Variants in SYNE2 observed in about 807,000 individuals in gnomAD.
SYNE2 encodes the protein spectrin repeat containing nuclear envelope protein 2, also known as nesprin-2.
Under a neutral mutation model 856.3 loss-of-function variants are expected in SYNE2, and 431 were observed. That is an observed-to-expected ratio of 0.50 (90% CI 0.47 to 0.55). SYNE2 has a LOEUF of 0.55. Ranked by LOEUF, SYNE2 falls within the 20% of genes least tolerant of loss-of-function variation. SYNE2 has a pLI of 0.00. For missense variants in SYNE2, 8,129 were observed against 8,023.2 expected, an observed-to-expected ratio of 1.01 and a Z score of -0.50; for synonymous variants, 2,923 against 2,872.3, an observed-to-expected ratio of 1.02 and a Z score of -0.56.
Position 64,002,825 on chromosome 14 carries a change from C to A in SYNE2, c.3892C>A (p.Gln1298Lys). Residue 1298 changes from glutamine to lysine, a missense_variant, in exon 30 of 116, where the codon CAG (glutamine) becomes AAG (lysine). By Grantham distance (53) the Gln-to-Lys change is moderately conservative. Transcript: ENST00000555002. Reference protein sequence around the residue: ...ELHPFDLHAMQNIILKYKTQF... With the variant: ...ELHPFDLHAMKNIILKYKTQF... Reference sequence around the variant, plus strand: ...ACACCCATTTGATCTACACGCAATGCAGAATATTATACTGAAATACAAAAC... The same window carrying A: ...ACACCCATTTGATCTACACGCAATGAAGAATATTATACTGAAATACAAAAC... 1 of 1,614,072 alleles carries A rather than the reference C, an allele frequency of 6.2e-7. No homozygotes were observed. The highest frequency in any genetic ancestry group is 1.1e-5 in the South Asian group (1 of 91,080).
intron 1 of SYNE2, among the ~76,000 whole-genome samples, chr14:63,832,692 C>A (rs1889712818): frequency 6.6e-6 from 1 of 151,842 alleles, no homozygotes; most frequent in Non-Finnish European, 1.5e-5. Context: ...CAGAGTTTAA[C>A]AATTTACTTA....
At chr14:64,154,792 C>CAA (rs34020154) in intron 85 of SYNE2, among the ~76,000 whole-genome samples, 52 of 91,054 alleles carry the variant, frequency 5.7e-4, no homozygotes, top group Middle Eastern at 6.8e-3. Flanking sequence ...GACCCTGTCT[C>CAA]AAAAAAAAAA....
rs1246671683 is a variant in SYNE2, at chr14:64,119,453, G to C, written c.12867G>C (p.Lys4289Asn). The C allele has an allele frequency of 1.2e-6, 2 of 1,614,198 alleles. No individual in the cohort carries two copies. The highest frequency in any genetic ancestry group is 2.2e-5 in the South Asian group (2 of 91,084). The change falls in exon 67 of 116, where the codon AAG becomes AAC. Residue 4289 changes from lysine (K) to asparagine (N), a missense_variant. By Grantham distance (94) the Lys-to-Asn change is moderately conservative. Transcript: ENST00000555002. Reference protein sequence around the residue: ...CQAMLTEIEHKVAFLLETCKD... With the variant: ...CQAMLTEIEHNVAFLLETCKD... ...CTATGCTAACAGAGATTGAGCACAA[G>C]GTTGCCTTTCTGTTAGAGACTTGCA...
Position 64,056,166 on chromosome 14 carries a change from C to T in SYNE2, c.9967C>T (p.Pro3323Ser). 2 of 1,614,070 alleles carry T rather than the reference C, an allele frequency of 1.2e-6. No individual in the cohort carries two copies. Among genetic ancestry groups the T allele is most frequent in the Non-Finnish European group, 8.5e-7 (1 of 1,179,998 alleles). The change falls in exon 49 of 116, where the codon CCC becomes TCC. Residue 3323 changes from proline to serine, a missense_variant. This residue lies in a region of SYNE2 where 5,410 missense variants were observed against 5,284.8 expected (regional missense o/e 1.02). Transcript: ENST00000555002. ...LTEKLGMISS[P>S]EAKLQLQYTL... ...TGAGAAACTGGGAATGATATCCAGC[C>T]CCGAAGCCAAACTACAACTTCAGTA...
intron 1 of SYNE2, among the ~76,000 whole-genome samples, chr14:63,815,088 A>G (rs1566584917): frequency 1.5e-5 from 2 of 131,170 alleles, no homozygotes; most frequent in Non-Finnish European, 3.3e-5. Context: ...ATCCATATAT[A>G]TGCACATATA....
intron 94 of SYNE2, among the ~76,000 whole-genome samples, chr14:64,170,885 C>T (rs1316861305): frequency 6.6e-6 from 1 of 152,032 alleles, no homozygotes; most frequent in East Asian, 1.9e-4. Context: ...TGAATAAGAC[C>T]TACTATTTGA....
In SYNE2 at chr14:63,902,782, C is replaced by T. The variant is rs112846054; in HGVS notation, c.-51-6316C>T. Among the ~76,000 whole-genome samples, 834 of 152,138 alleles carry T rather than the reference C, an allele frequency of 5.5e-3. 5 individuals carry two copies. Among genetic ancestry groups the T allele is most frequent in the African/African-American group, 0.019 (773 of 41,520 alleles). On this transcript the variant is annotated intron_variant, in intron 1 of 115. Transcript: ENST00000555002. ...GAACACGACTCACTGCAGCCTTGAC[C>T]TCCTGGCCTCAAGTGAGGTGGGAAC...
At chr14:63,910,134 ATG>A (rs1178945275) in intron 2 of SYNE2, among the ~76,000 whole-genome samples, 1 of 152,208 alleles carries the variant, frequency 6.6e-6, no homozygotes, top group Non-Finnish European at 1.5e-5. Flanking sequence ...TTATGGAACT[ATG>A]TGTTTTAAAG....
intron 32 of SYNE2, among the ~76,000 whole-genome samples, chr14:64,014,041 A>G (rs1029028421): frequency 5.9e-5 from 9 of 152,032 alleles, no homozygotes; most frequent in African/African-American, 2.2e-4. Flanking sequence ...GACAGCCACT[A>G]ATATAGTCTC....
At chr14:63,971,169 T>C (rs1386641164) in intron 11 of SYNE2, among the ~76,000 whole-genome samples, 1 of 150,974 alleles carries the variant, frequency 6.6e-6, no homozygotes, top group Non-Finnish European at 1.5e-5. Flanking sequence ...TGGAGTGCAG[T>C]GGCTTGATCA....
chr14:64,121,095 A>T, intron 68 of SYNE2, 34 bp downstream of exon 68: 1 of 1,613,368 alleles, frequency 6.2e-7, no homozygotes, highest in Admixed American at 1.7e-5. Context: ...TAGGGACTAG[A>T]ATATAACTTT....
intron 32 of SYNE2, among the ~76,000 whole-genome samples, chr14:64,014,974 T>TATACACAC (rs1434593932): frequency 1.4e-4 from 12 of 84,880 alleles, no homozygotes; most frequent in African/African-American, 5.1e-4. Context: ...TATATATATA[T>TATACACAC]ACACACACAC....
chr14:63,814,157 C>T (rs1422267720), intron 1 of SYNE2, among the ~76,000 whole-genome samples: 1 of 151,646 alleles, frequency 6.6e-6, no homozygotes, highest in Non-Finnish European at 1.5e-5. Flanking sequence ...GTAATCCCAG[C>T]TACTCGGGAG....
In SYNE2 at chr14:64,056,236, C is replaced by A. The variant is rs776941080; in HGVS notation, c.10037C>A (p.Ala3346Asp). 1 of 1,614,068 alleles carries A rather than the reference C, an allele frequency of 6.2e-7. No homozygotes were observed. Among genetic ancestry groups the A allele is most frequent in the Non-Finnish European group, 8.5e-7 (1 of 1,179,972 alleles). ...LVSKNSAMKE[A>D]FKAQETEAER... is the part of the protein sequence containing the mutation. ...TCTAAGAACTCAGCAATGAAGGAAG[C>A]TTTCAAAGCACAGGAAACTGAGGCA... The change falls in exon 49 of 116, where the codon GCT becomes GAT. Residue 3346 changes from alanine to aspartate, a missense_variant. Coordinates refer to ENST00000555002, the MANE Select transcript of SYNE2 (RefSeq NM_182914.3).
intron 1 of SYNE2, among the ~76,000 whole-genome samples, chr14:63,846,716 C>T (rs1033175051): frequency 2.6e-5 from 4 of 152,034 alleles, no homozygotes; most frequent in Admixed American, 6.6e-5. Flanking sequence ...CCTGCCTCAG[C>T]CTCCTGAGTA....
At chr14:64,136,352 G>A (rs985132904) in intron 78 of SYNE2, among the ~76,000 whole-genome samples, 3 of 149,084 alleles carry the variant, frequency 2.0e-5, no homozygotes, top group Non-Finnish European at 4.4e-5. Flanking sequence ...ATGTTTTAAA[G>A]GTGAAGAATC....
intron 2 of SYNE2, among the ~76,000 whole-genome samples, chr14:63,923,556 A>T (rs2095625702): frequency 6.6e-6 from 1 of 152,232 alleles, no homozygotes; most frequent in African/African-American, 2.4e-5. Context: ...GCTCTGGGGT[A>T]GGTGCTGCAG....
intron 2 of SYNE2, among the ~76,000 whole-genome samples, chr14:63,937,256 G>T (rs780177652): frequency 6.6e-6 from 1 of 152,182 alleles, no homozygotes; most frequent in Non-Finnish European, 1.5e-5. Flanking sequence ...GCATTTTGCC[G>T]CAAAGGAGCA....
At chr14:63,824,477 A>G (rs1040769012) in intron 1 of SYNE2, among the ~76,000 whole-genome samples, 1 of 151,944 alleles carries the variant, frequency 6.6e-6, no homozygotes, top group African/African-American at 2.4e-5. Context: ...TATCTCTATT[A>G]AAAACACAAA....
Sources: gnomAD v4.1 joint callset for allele counts (sites outside exome capture counted in the v4.1 genomes callset) on GRCh38, gnomAD v4.1.1 for gene constraint, gnomAD v4.1.1 regional missense constraint, MANE v1.5 for transcripts, NCBI Gene and HGNC (gene_info 2026-07-23, HGNC 2026-07-21) for gene names.